ISM1: variants seen among roughly 807,000 people sequenced by gnomAD.
ISM1 encodes isthmin-1.
A neutral mutation model predicts 46.3 loss-of-function variants in ISM1; 25 were observed. The ratio of observed to expected loss-of-function variants is 0.54; its 90% confidence interval spans 0.39 to 0.75. The LOEUF is 0.75. Ranked by LOEUF, ISM1 falls within the 30% of genes least tolerant of loss-of-function variation. ISM1 has a pLI of 0.00. For missense variants in ISM1, 536 were observed against 625.4 expected, an observed-to-expected ratio of 0.86 and a Z score of 1.52; for synonymous variants, 255 against 256.7, an observed-to-expected ratio of 0.99 and a Z score of 0.06.
At chr20:13,288,042 A>C (rs530976957) in intron 3 of ISM1, among the ~76,000 whole-genome samples, 17 of 152,190 alleles carry the variant, frequency 1.1e-4, no homozygotes, top group Admixed American at 2.0e-4. Context: ...GTGATGTCCC[A>C]TAATTCACAG....
At chr20:13,286,823 C>T (rs1270808617) in intron 3 of ISM1, among the ~76,000 whole-genome samples, 1 of 152,224 alleles carries the variant, frequency 6.6e-6, no homozygotes, top group Non-Finnish European at 1.5e-5. Flanking sequence ...TCCTGCTGGG[C>T]CTATGTAATA....
intron 1 of ISM1, among the ~76,000 whole-genome samples, chr20:13,260,178 A>G (rs1242981046): frequency 2.0e-5 from 3 of 152,240 alleles, no homozygotes; most frequent in Non-Finnish European, 4.4e-5. Context: ...TGCCGGTGGC[A>G]GGAGCTTTCT....
chr20:13,281,034 A>G (rs952213408), intron 3 of ISM1, among the ~76,000 whole-genome samples: 1 of 152,240 alleles, frequency 6.6e-6, no homozygotes, highest in East Asian at 1.9e-4. Flanking sequence ...GACCAATTGT[A>G]TATTAGACAG....
At chr20:13,292,895 C>T (rs1400433616) in intron 5 of ISM1, among the ~76,000 whole-genome samples, 1 of 151,996 alleles carries the variant, frequency 6.6e-6, no homozygotes. Context: ...CCATCCCCTG[C>T]AAAAATTTTT....
At chr20:13,234,698 ATAAT>A (rs2039628162) in intron 1 of ISM1, among the ~76,000 whole-genome samples, 1 of 152,094 alleles carries the variant, frequency 6.6e-6, no homozygotes, top group Non-Finnish European at 1.5e-5. Context: ...TATTTCTCTG[ATAAT>A]TAGTTATGTA....
the ISM1 span, among the ~76,000 whole-genome samples, chr20:13,323,305 G>A: frequency 6.6e-6 from 1 of 152,174 alleles, no homozygotes; most frequent in Non-Finnish European, 1.5e-5. Context: ...CAAAGGAAGG[G>A]AGGTCACTTA....
In ISM1 at chr20:13,288,268, G is replaced by A. The variant is rs1014632121; in HGVS notation, c.644-272G>A. On this transcript the variant is annotated intron_variant, in intron 3 of 5. Transcript: ENST00000262487. ...ACTGCCTAGCATATTACCCCATGCT[G>A]TGCAAATGTATGCATTCTCAGTAAG... Among the ~76,000 whole-genome samples, 50 of 152,208 alleles carry A rather than the reference G, an allele frequency of 3.3e-4. 1 individual carries two copies. Among genetic ancestry groups the A allele is most frequent in the Admixed American group, 2.6e-4 (4 of 15,286 alleles).
intron 1 of ISM1, among the ~76,000 whole-genome samples, chr20:13,223,162 A>AT (rs1555807184): frequency 0.02 from 2,985 of 146,030 alleles, 55 homozygotes; most frequent in Non-Finnish European, 0.033. Context: ...GTCTCAAAAA[A>AT]AAAATAAAAT....
chr20:13,256,379 G>C (rs550747047), intron 1 of ISM1, among the ~76,000 whole-genome samples: 232 of 130,890 alleles, frequency 1.8e-3, no homozygotes, highest in African/African-American at 6.2e-3. Flanking sequence ...CTGGGCAACA[G>C]AGTGAGACCC....
At chr20:13,278,160 C>T (rs141171965) in intron 2 of ISM1, among the ~76,000 whole-genome samples, 1 of 152,188 alleles carries the variant, frequency 6.6e-6, no homozygotes, top group Non-Finnish European at 1.5e-5. Context: ...GCCAAAGGAA[C>T]CCAATGCGTC....
chr20:13,276,008 G>A (rs187948660), intron 2 of ISM1, among the ~76,000 whole-genome samples: 5 of 152,188 alleles, frequency 3.3e-5, no homozygotes, highest in African/African-American at 1.2e-4. Context: ...TGCCACCCTT[G>A]TTCTTAGAGC....
the ISM1 span, among the ~76,000 whole-genome samples, chr20:13,324,409 G>A: frequency 6.6e-6 from 1 of 152,190 alleles, no homozygotes; most frequent in Non-Finnish European, 1.5e-5. Context: ...CAGCTTAAAA[G>A]TGATAGGCAG....
intron 1 of ISM1, among the ~76,000 whole-genome samples, chr20:13,266,178 G>C (rs968788313): frequency 6.6e-6 from 1 of 152,172 alleles, no homozygotes; most frequent in African/African-American, 2.4e-5. Flanking sequence ...CAGGTCCACA[G>C]CCACCTGAAA....
At chr20:13,252,822 G>A (rs1178114488) in intron 1 of ISM1, among the ~76,000 whole-genome samples, 1 of 151,976 alleles carries the variant, frequency 6.6e-6, no homozygotes, top group African/African-American at 2.4e-5. Flanking sequence ...GCAACTGAAG[G>A]AAACTGTTTT....
chr20:13,274,406 T>C (rs966813694), intron 2 of ISM1, among the ~76,000 whole-genome samples: 1 of 152,150 alleles, frequency 6.6e-6, no homozygotes, highest in African/African-American at 2.4e-5. Context: ...GGCCCTTCAG[T>C]AGGTCAGCTT....
Position 13,279,629 on chromosome 20 carries a change from T to C in ISM1, c.379-5T>C, listed in dbSNP as rs762715074. 4 of 1,610,942 alleles carry C rather than the reference T, an allele frequency of 2.5e-6. No individual in the cohort carries two copies. The highest frequency in any genetic ancestry group is 2.5e-6 in the Non-Finnish European group (3 of 1,177,866). ...ACTGACCCCAGCCTGTTCTGAATTC[T>C]TCAGGTCACCATAGAGGTGGTCGAC... On this transcript the variant is annotated splice_region_variant and splice_polypyrimidine_tract_variant and intron_variant, in intron 2 of 5. Transcript: ENST00000262487.
intron 2 of ISM1, among the ~76,000 whole-genome samples, chr20:13,276,939 C>T (rs1381567703): frequency 4.6e-5 from 7 of 152,168 alleles, no homozygotes; most frequent in East Asian, 3.9e-4. Context: ...GGGAAGGGTG[C>T]GGTGGATCCT....
chr20:13,317,668 G>A, the ISM1 span, among the ~76,000 whole-genome samples: 1 of 152,024 alleles, frequency 6.6e-6, no homozygotes, highest in African/African-American at 2.4e-5. Context: ...CTTTGACAAG[G>A]GATGAAAGAC....
chr20:13,288,536 C>T lies in ISM1; in HGVS notation c.644-4C>T. The stretch of plus-strand genomic sequence containing the variant: ...TGATGACCATCTCCCTGGCTGTCTT[C>T]CAGATTCCACAGATGGCGAGGGTGA... On this transcript the variant is annotated splice_region_variant and splice_polypyrimidine_tract_variant and intron_variant, in intron 3 of 5. Transcript: ENST00000262487. The T allele has an allele frequency of 6.2e-7, 1 of 1,613,230 alleles. No individual in the cohort carries two copies. Among genetic ancestry groups the T allele is most frequent in the Non-Finnish European group, 8.5e-7 (1 of 1,179,350 alleles).
Sources: gnomAD v4.1 joint callset for allele counts (sites outside exome capture counted in the v4.1 genomes callset) on GRCh38, gnomAD v4.1.1 for gene constraint, MANE v1.5 for transcripts, NCBI Gene and HGNC (gene_info 2026-07-23, HGNC 2026-07-21) for gene names.